Variants in CMSS1 observed in about 807,000 individuals in gnomAD.
CMSS1 encodes protein CMSS1.
In CMSS1, 33 loss-of-function variants were observed where a neutral mutation model predicts 43.5. The ratio of observed to expected loss-of-function variants is 0.76; its 90% CI spans 0.57 to 1.01. The LOEUF (loss-of-function observed/expected upper bound fraction) is 1.01. CMSS1 is among the 50% of genes least tolerant of loss of function. The probability of loss-of-function intolerance (pLI) is 0.00; values close to 1 mark genes in which losing one functional copy is unlikely to be tolerated. For missense variants in CMSS1, 313 were observed against 326.4 expected (o/e 0.96, Z 0.32); for synonymous variants, 115 against 117.2 (o/e 0.98, Z 0.12).
chr3:100,054,230 C>G (rs1332075505), intron 1 of CMSS1, among the ~76,000 whole-genome samples: 1 of 152,162 alleles, frequency 6.6e-6, no homozygotes, highest in East Asian at 1.9e-4. Flanking sequence ...ACATCACATT[C>G]CCCCTTCCCT....
At chr3:99,869,391 C>T (rs1308576932) in intron 1 of CMSS1, among the ~76,000 whole-genome samples, 2 of 152,122 alleles carry the variant, frequency 1.3e-5, no homozygotes, top group Admixed American at 6.5e-5. Flanking sequence ...ATTTGAAAGC[C>T]TCAAGAATAA....
intron 1 of CMSS1, among the ~76,000 whole-genome samples, chr3:100,087,630 C>A (rs567602605): frequency 2.0e-4 from 31 of 151,966 alleles, no homozygotes; most frequent in African/African-American, 7.2e-4. Context: ...GAATACAATT[C>A]TTTTTCAGAT....
intron 1 of CMSS1, among the ~76,000 whole-genome samples, chr3:100,099,058 C>G (rs528756814): frequency 6.6e-6 from 1 of 152,296 alleles, no homozygotes; most frequent in South Asian, 2.1e-4. Context: ...TTTCAAATTT[C>G]TACCAATGAT....
intron 1 of CMSS1, among the ~76,000 whole-genome samples, chr3:100,061,574 T>C (rs1481740865): frequency 2.0e-5 from 3 of 152,244 alleles, no homozygotes; most frequent in African/African-American, 4.8e-5. Context: ...AAAATTGCTT[T>C]ACCTCATAAT....
chr3:99,994,937 A>G (rs759144174), intron 1 of CMSS1, among the ~76,000 whole-genome samples: 6 of 152,118 alleles, frequency 3.9e-5, no homozygotes, highest in Non-Finnish European at 7.4e-5. Flanking sequence ...TGGGAGTACA[A>G]TTCAAGTTGA....
At chr3:99,930,684 ATC>A in intron 1 of CMSS1, 2 of 1,429,110 alleles carry the variant, frequency 1.4e-6, no homozygotes, top group Non-Finnish European at 1.9e-6. Flanking sequence ...AACCACAGAT[ATC>A]TATTTCTGTG....
rs540372277 is a variant in CMSS1, at chr3:100,076,922, A to G, written c.65-70051A>G. 2.6e-5 allele frequency among the ~76,000 whole-genome samples: 4 copies of G among 152,368 alleles called. No homozygotes were observed. The South Asian group carries it at 8.3e-4, about 32-fold the overall frequency. Reference sequence around the variant, plus strand: ...TAAGGATGCAATAGAGACAAAAATTACTTTTCAAATTACAGTTCCTGCAAG... The same window carrying G: ...TAAGGATGCAATAGAGACAAAAATTGCTTTTCAAATTACAGTTCCTGCAAG... On this transcript the variant is annotated intron_variant, in intron 1 of 9. Coordinates refer to ENST00000421999, the MANE Select transcript of CMSS1 (RefSeq NM_032359.4).
intron 1 of CMSS1, among the ~76,000 whole-genome samples, chr3:100,099,803 C>T (rs981481203): frequency 2.6e-5 from 4 of 152,144 alleles, no homozygotes; most frequent in Admixed American, 2.0e-4. Flanking sequence ...GAGAGCCAGA[C>T]ATTTGAACCA....
rs35846303 is a variant in CMSS1, at chr3:99,996,578, G to C, written c.65-150395G>C. Among the ~76,000 whole-genome samples, 687 of 152,276 alleles carry C rather than the reference G, an allele frequency of 4.5e-3. 7 individuals are homozygous for C. Among genetic ancestry groups the C allele is most frequent in the African/African-American group, 0.016 (673 of 41,554 alleles). ...AGTCAGTTTTCATGCTGCTGATAAAGACATACCCAAGACTGGGAAGAAAAA... is the reference window on the plus strand; with the variant it reads ...AGTCAGTTTTCATGCTGCTGATAAACACATACCCAAGACTGGGAAGAAAAA... On this transcript the variant is annotated intron_variant, in intron 1 of 9. Transcript: ENST00000421999.
chr3:99,894,803 T>C (rs187126106), intron 1 of CMSS1, among the ~76,000 whole-genome samples: 4 of 152,204 alleles, frequency 2.6e-5, no homozygotes, highest in African/African-American at 4.8e-5. Context: ...AATAATAGCA[T>C]AATTCACAAG....
At chr3:99,845,361 A>G (rs552325906) in intron 1 of CMSS1, among the ~76,000 whole-genome samples, 1 of 152,324 alleles carries the variant, frequency 6.6e-6, no homozygotes, top group East Asian at 1.9e-4. Context: ...GAATGTGAGT[A>G]AAATGAAACT....
rs183006384 is a variant in CMSS1, at chr3:100,126,946, C to T, written c.65-20027C>T. Among the ~76,000 whole-genome samples the T allele has an allele frequency of 5.2e-4, 78 of 151,414 alleles. 3 individuals carry two copies. In the East Asian group the frequency reaches 0.014, roughly 28 times the overall value. ...CCGGGAGGCGGAGCTTGCAGTGAGC[C>T]GAGATCTCGCCACTGCACTCTAGCC... is the stretch of plus-strand genomic sequence containing the variant. On this transcript the variant is annotated intron_variant, in intron 1 of 9. Transcript: ENST00000421999.
chr3:100,032,321 T>G (rs1422224088), intron 1 of CMSS1, among the ~76,000 whole-genome samples: 2 of 152,188 alleles, frequency 1.3e-5, no homozygotes, highest in African/African-American at 4.8e-5. Flanking sequence ...TTATTTTGAT[T>G]TACTCTCTTA....
intron 1 of CMSS1, among the ~76,000 whole-genome samples, chr3:99,985,984 T>G (rs1488947556): frequency 6.6e-6 from 1 of 152,226 alleles, no homozygotes; most frequent in African/African-American, 2.4e-5. Context: ...ACCACAATAC[T>G]TTGATACTAA....
At chr3:100,161,761 T>A (rs1695531576) in intron 3 of CMSS1, among the ~76,000 whole-genome samples, 1 of 152,208 alleles carries the variant, frequency 6.6e-6, no homozygotes, top group Non-Finnish European at 1.5e-5. Flanking sequence ...TTTTCTACTT[T>A]GCATAGGGCC....
intron 1 of CMSS1, among the ~76,000 whole-genome samples, chr3:100,100,829 T>C (rs2066291233): frequency 6.6e-6 from 1 of 152,154 alleles, no homozygotes; most frequent in Non-Finnish European, 1.5e-5. Context: ...GGAGAAGGTG[T>C]CCTGGTGTCT....
intron 1 of CMSS1, among the ~76,000 whole-genome samples, chr3:100,015,565 T>C (rs1710317613): frequency 6.6e-6 from 1 of 152,252 alleles, no homozygotes; most frequent in Non-Finnish European, 1.5e-5. Context: ...TACACATTCT[T>C]GGTTTCAAGT....
intron 1 of CMSS1, among the ~76,000 whole-genome samples, chr3:99,832,895 G>C (rs1322820946): frequency 1.4e-5 from 2 of 147,916 alleles, no homozygotes; most frequent in Non-Finnish European, 3.0e-5. Flanking sequence ...CTTATCCTTG[G>C]ACATGTTTCA....
At chr3:99,935,383 C>G (rs548796925) in intron 1 of CMSS1, among the ~76,000 whole-genome samples, 70 of 152,148 alleles carry the variant, frequency 4.6e-4, no homozygotes, top group African/African-American at 1.6e-3. Flanking sequence ...GCTTAGTTGT[C>G]AGTTTAACAC....
Sources: allele counts gnomAD v4.1 joint callset (sites outside exome capture counted in the v4.1 genomes callset), GRCh38; gene constraint gnomAD v4.1.1; transcripts MANE v1.5; gene names NCBI Gene and HGNC (gene_info 2026-07-23, HGNC 2026-07-21).